MROH9: variants seen among roughly 807,000 people sequenced by gnomAD.
MROH9 encodes maestro heat like repeat family member 9.
In MROH9, 92 loss-of-function variants were observed where a neutral mutation model predicts 98.2. The ratio of observed to expected loss-of-function variants is 0.94; its 90% confidence interval spans 0.79 to 1.11. The LOEUF is 1.11. Ranked by LOEUF, MROH9 falls within the 50% of genes most tolerant of loss-of-function variation. MROH9 has a pLI of 0.00. For synonymous variants in MROH9, 397 were observed against 368.9 expected, an observed-to-expected ratio of 1.08 and a Z score of -0.87; for missense variants, 1,057 against 1,014.8, an observed-to-expected ratio of 1.04 and a Z score of -0.57.
chr1:171,062,922 A>T (rs899912535), intron 21 of MROH9, among the ~76,000 whole-genome samples: 2 of 151,958 alleles, frequency 1.3e-5, no homozygotes, highest in African/African-American at 2.4e-5. Flanking sequence ...ATCCCCCACC[A>T]GAGTAGTACA....
chr1:171,015,965 T>C (rs978005364), intron 16 of MROH9, among the ~76,000 whole-genome samples, 198 bp from the exon 17 acceptor site: 1 of 152,226 alleles, frequency 6.6e-6, no homozygotes, highest in African/African-American at 2.4e-5. Flanking sequence ...CTACTTAATG[T>C]TAAATTTATA....
intron 20 of MROH9, among the ~76,000 whole-genome samples, chr1:171,048,367 A>G (rs1284242892): frequency 1.3e-5 from 2 of 151,962 alleles, no homozygotes; most frequent in East Asian, 1.9e-4. Flanking sequence ...GTGAGATGCA[A>G]TCCTTCCCAC....
chr1:171,039,923 T>C (rs1653241824), intron 20 of MROH9, among the ~76,000 whole-genome samples: 1 of 152,080 alleles, frequency 6.6e-6, no homozygotes, highest in Non-Finnish European at 1.5e-5. Flanking sequence ...ATTATGAAAA[T>C]GATCATGTGA....
At chr1:171,035,836 C>A (rs561031211) in intron 20 of MROH9, among the ~76,000 whole-genome samples, 1 of 152,244 alleles carries the variant, frequency 6.6e-6, no homozygotes, top group South Asian at 2.1e-4. Context: ...AATTCTTAAA[C>A]CACTTTGGAA....
chr1:171,014,780 C>G (rs917166174), intron 16 of MROH9, among the ~76,000 whole-genome samples: 15 of 152,174 alleles, frequency 9.9e-5, no homozygotes, highest in African/African-American at 2.9e-4. Context: ...ATATTTTATA[C>G]CAGTGTCAAA....
chr1:170,942,412 C>G (rs907956198), intron 1 of MROH9, among the ~76,000 whole-genome samples: 3 of 143,326 alleles, frequency 2.1e-5, no homozygotes, highest in Non-Finnish European at 3.1e-5. Flanking sequence ...CACACACACC[C>G]TCAGAGAATA....
At chr1:170,939,904 C>T (rs1474901837) in intron 1 of MROH9, among the ~76,000 whole-genome samples, 1 of 152,130 alleles carries the variant, frequency 6.6e-6, no homozygotes, top group Non-Finnish European at 1.5e-5. Flanking sequence ...CAATTCACTG[C>T]CAAAGGCTGA....
At chr1:170,997,893 T>A (rs541351123) in intron 14 of MROH9, among the ~76,000 whole-genome samples, 1 of 152,118 alleles carries the variant, frequency 6.6e-6, no homozygotes, top group South Asian at 2.1e-4. Flanking sequence ...TGCACTAAAA[T>A]AGGACATTCT....
rs145023456 is a variant in MROH9, at chr1:170,966,255, A to G, written c.480+1000A>G. On this transcript the variant is annotated intron_variant, in intron 7 of 21. Transcript: ENST00000367759. ...TTTAATTTTTGCATTTCGGATGGAG[A>G]ACAAATAGGTATGTCATAATCACCA... 1.1e-3 allele frequency among the ~76,000 whole-genome samples: 173 copies of G among 152,170 alleles called. 1 individual carries two copies. The highest frequency in any genetic ancestry group is 4.0e-3 in the African/African-American group (166 of 41,540).
intron 15 of MROH9, among the ~76,000 whole-genome samples, chr1:171,006,429 G>C (rs1176511952): frequency 1.3e-5 from 2 of 151,978 alleles, no homozygotes; most frequent in Non-Finnish European, 2.9e-5. Flanking sequence ...AGAGTCTTGA[G>C]CTTTATGAAT....
chr1:171,058,527 A>G (rs1447514291), intron 20 of MROH9, among the ~76,000 whole-genome samples: 1 of 152,142 alleles, frequency 6.6e-6, no homozygotes, highest in Non-Finnish European at 1.5e-5. Flanking sequence ...ATCAAAAAAG[A>G]TCCCATATGG....
At chr1:171,018,780 C>T (rs572772966) in intron 17 of MROH9, among the ~76,000 whole-genome samples, 10 of 152,216 alleles carry the variant, frequency 6.6e-5, no homozygotes, top group East Asian at 5.8e-4. Context: ...ATAGCTGAAT[C>T]GATGAAGCAG....
rs1266436654 is a variant in MROH9, at chr1:171,064,655, C to T, written c.*315C>T. ...GAAGCTCTGGGAACTTGATTCAGTCCGGAAGCTCTACTGAGCACCTTCTAA... is the reference window on the plus strand; with the variant it reads ...GAAGCTCTGGGAACTTGATTCAGTCTGGAAGCTCTACTGAGCACCTTCTAA... On this transcript the variant is annotated 3_prime_UTR_variant, in exon 22 of 22. Transcript: ENST00000367759. 6 of 226,460 alleles carry T rather than the reference C, an allele frequency of 2.6e-5. No individual in the cohort carries two copies. The highest frequency in any genetic ancestry group is 8.7e-5 in the South Asian group (1 of 11,548). 14.0% of individuals were successfully genotyped at this position (226,460 alleles called of 1,614,324 possible). A position where few individuals can be genotyped will look rare whatever the true frequency, so the allele number is the denominator to read the frequency against.
Position 171,053,038 on chromosome 1 carries a change from A to G in MROH9, c.2282-9094A>G, listed in dbSNP as rs554876284. 1.6e-4 allele frequency among the ~76,000 whole-genome samples: 25 copies of G among 152,220 alleles called. No individual in the cohort carries two copies. In the East Asian group the frequency reaches 4.8e-3, roughly 29 times the overall value. On this transcript the variant is annotated intron_variant, in intron 20 of 21. Coordinates refer to ENST00000367759, the MANE Select transcript of MROH9 (RefSeq NM_001163629.2). ...AGGCACCTAGCAATGACCTATACAG[A>G]GCTGTCATCCCAGGTCTCAAAGGCA... is the stretch of plus-strand genomic sequence containing the variant.
intron 8 of MROH9, among the ~76,000 whole-genome samples, chr1:170,974,153 A>G (rs1475552694): frequency 6.6e-6 from 1 of 152,228 alleles, no homozygotes; most frequent in African/African-American, 2.4e-5. Flanking sequence ...ATAGAGCATC[A>G]GTGAGCTATC....
At chr1:171,017,423 C>T (rs763550739) in intron 17 of MROH9, among the ~76,000 whole-genome samples, 6 of 151,306 alleles carry the variant, frequency 4.0e-5, no homozygotes, top group Non-Finnish European at 5.9e-5. Flanking sequence ...GTTTTTTCCA[C>T]GAAAATCCCA....
At chr1:170,954,125 G>A (rs114988524) in intron 3 of MROH9, among the ~76,000 whole-genome samples, 1 of 151,888 alleles carries the variant, frequency 6.6e-6, no homozygotes, top group African/African-American at 2.4e-5. Flanking sequence ...TGGTAAACTG[G>A]AATTTTATAA....
At chr1:170,951,824 TG>T (rs1409677139) in intron 3 of MROH9, among the ~76,000 whole-genome samples, 1 of 151,972 alleles carries the variant, frequency 6.6e-6, no homozygotes, top group African/African-American at 2.4e-5. Context: ...ATGATGAGAG[TG>T]AATTCAGTCA....
intron 7 of MROH9, 138 bp downstream of exon 7, chr1:170,965,393 A>G (rs1650195064): frequency 1.1e-5 from 6 of 567,864 alleles, no homozygotes; most frequent in Middle Eastern, 2.7e-4. Context: ...GGATATCAGA[A>G]AAGGAGTCAA....
Sources: gnomAD v4.1 joint callset for allele counts (sites outside exome capture counted in the v4.1 genomes callset) on GRCh38, gnomAD v4.1.1 for gene constraint, MANE v1.5 for transcripts, NCBI Gene and HGNC (gene_info 2026-07-23, HGNC 2026-07-21) for gene names.